The following PARD3B variants were observed in gnomAD, a reference collection of about 807,000 sequenced individuals.
PARD3B encodes par-3 family cell polarity regulator beta.
A neutral mutation model predicts 130.2 loss-of-function variants in PARD3B; 103 were observed. That is an observed-to-expected ratio of 0.79 (90% confidence interval 0.67 to 0.93). The LOEUF is 0.93. Among genes scored for constraint, PARD3B ranks in the 40% least tolerant of loss-of-function variants. The pLI, the probability that PARD3B is intolerant of heterozygous loss-of-function variation, is 0.00. For missense variants in PARD3B, 1,609 were observed against 1,499.2 expected (o/e 1.07, Z -1.21); for synonymous variants, 583 against 553.2 (o/e 1.05, Z -0.76).
chr2:204,701,644 C>G (rs925139230), intron 2 of PARD3B, among the ~76,000 whole-genome samples: 1 of 151,814 alleles, frequency 6.6e-6, no homozygotes, highest in African/African-American at 2.4e-5. Context: ...TTATTAATGC[C>G]GTAGAATTCT....
rs1436742326 is a variant in PARD3B at position 205,146,567 on chromosome 2, CG to C, written c.1435-12154del. On this transcript the variant is annotated intron_variant, in intron 10 of 22. Transcript: ENST00000406610. This position sits in a 1 kb window ranked among gnomAD's most constrained non-coding sequence, Gnocchi z 4.3. ...TCGGGAGGCTGAGGCAGGAGAATGG[CG>C]TGAACCCGGGAGGCGGAGCTTGCAG... Among the ~76,000 whole-genome samples the C allele has an allele frequency of 2.0e-5, 3 of 151,638 alleles. No individual in the cohort carries two copies. The highest frequency in any genetic ancestry group is 4.4e-5 in the Non-Finnish European group (3 of 67,928).
chr2:204,799,484 C>T lies in PARD3B; in HGVS notation c.222+113202C>T, dbSNP rs552645295. On this transcript the variant is annotated intron_variant, in intron 2 of 22. Coordinates refer to ENST00000406610, the MANE Select transcript of PARD3B (RefSeq NM_001302769.2). The surrounding 1 kb of genome is among the most constrained non-coding windows in gnomAD (Gnocchi z 4.1). ...GGGGACACAAGCCTCTCTGGGTTTC[C>T]CATCTGCTCACTGAAGAGCCCTTGG... Among the ~76,000 whole-genome samples the T allele has an allele frequency of 2.0e-5, 3 of 152,302 alleles. No homozygotes were observed. The highest frequency in any genetic ancestry group is 7.2e-5 in the African/African-American group (3 of 41,562).
chr2:205,021,574 T>C lies in PARD3B; in HGVS notation c.395-26007T>C, dbSNP rs1575572670. ...TAGCATTTATTGAGCAACTATATGCTCTCTTCTCTCTCTCTTCTCTTCTCT... is the reference window on the plus strand; with the variant it reads ...TAGCATTTATTGAGCAACTATATGCCCTCTTCTCTCTCTCTTCTCTTCTCT... On this transcript the variant is annotated intron_variant, in intron 3 of 22. Coordinates refer to ENST00000406610, the MANE Select transcript of PARD3B (RefSeq NM_001302769.2). This position sits in a 1 kb window ranked among gnomAD's most constrained non-coding sequence, Gnocchi z 4.5. 6.6e-6 allele frequency among the ~76,000 whole-genome samples: 1 copy of C among 151,304 alleles called. No individual in the cohort carries two copies. Among genetic ancestry groups the C allele is most frequent in the Non-Finnish European group, 1.5e-5 (1 of 67,896 alleles).
At chr2:204,682,428 A>G (rs1194345773) in intron 1 of PARD3B, among the ~76,000 whole-genome samples, 2 of 152,322 alleles carry the variant, frequency 1.3e-5, no homozygotes, top group African/African-American at 2.4e-5. Flanking sequence ...TACAAAACAC[A>G]TAGTACCTAT....
chr2:205,578,455 A>G (rs1468087054), intron 22 of PARD3B, among the ~76,000 whole-genome samples: 1 of 152,232 alleles, frequency 6.6e-6, no homozygotes, highest in Non-Finnish European at 1.5e-5. Flanking sequence ...TAACCCTACA[A>G]TCACCTTGGC....
At chr2:205,362,475 G>T (rs917854180) in intron 18 of PARD3B, among the ~76,000 whole-genome samples, 5 of 152,190 alleles carry the variant, frequency 3.3e-5, no homozygotes, top group Non-Finnish European at 1.5e-5. Flanking sequence ...GGCAAAGAAT[G>T]TGTGTTCTGT....
intron 10 of PARD3B, among the ~76,000 whole-genome samples, chr2:205,151,620 A>G (rs183136911): frequency 0.012 from 1,877 of 151,598 alleles, 35 homozygotes; most frequent in African/African-American, 0.043. Flanking sequence ...TTTGTTTTCC[A>G]TTTGCTTGGT....
intron 20 of PARD3B, among the ~76,000 whole-genome samples, chr2:205,491,265 A>G (rs1282717337): frequency 2.6e-5 from 4 of 152,290 alleles, no homozygotes; most frequent in Admixed American, 1.3e-4. Flanking sequence ...TCTTTAATCC[A>G]TCTTGAATTA....
At chr2:204,831,398 C>G (rs2043812817) in intron 2 of PARD3B, among the ~76,000 whole-genome samples, 1 of 152,180 alleles carries the variant, frequency 6.6e-6, no homozygotes, top group African/African-American at 2.4e-5. Context: ...TGCAGAAACT[C>G]AATCCACATG....
rs1479294780 is a variant in PARD3B, at chr2:205,525,989, C to G, written c.3180+25958C>G. 6.6e-6 allele frequency among the ~76,000 whole-genome samples: 1 copy of G among 152,214 alleles called. No homozygotes were observed. The highest frequency in any genetic ancestry group is 1.5e-5 in the Non-Finnish European group (1 of 68,040). On this transcript the variant is annotated intron_variant, in intron 21 of 22. Coordinates refer to ENST00000406610, the MANE Select transcript of PARD3B (RefSeq NM_001302769.2). This position sits in a 1 kb window ranked among gnomAD's most constrained non-coding sequence, Gnocchi z 4.2. ...CTTGCTTCTCGCAGGGTCTGGGGCT[C>G]CATGTCCTTATCAGTATCAGACTTC... is the stretch of plus-strand genomic sequence containing the variant.
intron 18 of PARD3B, among the ~76,000 whole-genome samples, chr2:205,336,875 T>G (rs113632504): frequency 6.6e-6 from 1 of 152,226 alleles, no homozygotes; most frequent in Non-Finnish European, 1.5e-5. Flanking sequence ...CCATGTTCAC[T>G]TTGCTTATTA....
chr2:204,844,859 T>G (rs2044400305), intron 2 of PARD3B, among the ~76,000 whole-genome samples: 1 of 152,186 alleles, frequency 6.6e-6, no homozygotes, highest in Non-Finnish European at 1.5e-5. Flanking sequence ...GACTTTCTCC[T>G]TTCATATATT....
chr2:204,621,360 TCCTACCTAC>T (rs1160274190), intron 1 of PARD3B, among the ~76,000 whole-genome samples: 1 of 152,154 alleles, frequency 6.6e-6, no homozygotes, highest in East Asian at 1.9e-4. Context: ...GTGTATTTGC[TCCTACCTAC>T]CCTTTAAAAC....
Position 205,300,431 on chromosome 2 carries a change from C to CT in PARD3B, c.2186-93dup. 8.4e-7 allele frequency: 1 copy of CT among 1,187,538 alleles called. No homozygotes were observed. The highest frequency in any genetic ancestry group is 1.2e-6 in the Non-Finnish European group (1 of 817,378). The allele number at this position is 1,187,538 out of a possible 1,614,324, so 73.6% of individuals were successfully genotyped here. ...CCCAACTCCCACCCACTTAACACCC[C>CT]TTTTTTGGGATGTCCAGACAGAAAT... On this transcript the variant is annotated intron_variant, in intron 16 of 22. Coordinates refer to ENST00000406610, the MANE Select transcript of PARD3B (RefSeq NM_001302769.2). The surrounding 1 kb of genome is among the most constrained non-coding windows in gnomAD (Gnocchi z 4.1).
At chr2:205,149,052 A>G (rs1033485139) in intron 10 of PARD3B, among the ~76,000 whole-genome samples, 2 of 152,184 alleles carry the variant, frequency 1.3e-5, no homozygotes, top group Non-Finnish European at 2.9e-5. Context: ...TGAATCAGGC[A>G]CTGCTTTGCA....
chr2:205,267,284 A>G (rs1331139786), intron 16 of PARD3B, among the ~76,000 whole-genome samples: 1 of 152,206 alleles, frequency 6.6e-6, no homozygotes, highest in Non-Finnish European at 1.5e-5. Context: ...ACTTCTTGCT[A>G]TGTACTGATA....
intron 2 of PARD3B, among the ~76,000 whole-genome samples, chr2:204,926,367 A>C (rs950718014): frequency 1.3e-5 from 2 of 152,056 alleles, no homozygotes; most frequent in African/African-American, 4.8e-5. Flanking sequence ...CATTTCTTCA[A>C]ATTCTCATTA....
chr2:205,088,670 C>T (rs1488412669), intron 4 of PARD3B, among the ~76,000 whole-genome samples: 1 of 152,190 alleles, frequency 6.6e-6, no homozygotes, highest in African/African-American at 2.4e-5. Context: ...CTTACACTGT[C>T]CCCTTTCTAT....
At chr2:204,591,687 AGGAC>A in intron 1 of PARD3B, among the ~76,000 whole-genome samples, 1 of 152,214 alleles carries the variant, frequency 6.6e-6, no homozygotes. Flanking sequence ...AGACTGGGGA[AGGAC>A]AGACAAGTTA....
Sources: allele counts gnomAD v4.1 joint callset (sites outside exome capture counted in the v4.1 genomes callset), GRCh38; gene constraint gnomAD v4.1.1; non-coding constraint Gnocchi (gnomAD v3.1); transcripts MANE v1.5; gene names NCBI Gene and HGNC (gene_info 2026-07-23, HGNC 2026-07-21).